Variants in USH2A observed in about 807,000 individuals in gnomAD.
The protein encoded by USH2A is usherin, also known as Usher syndrome 2A (autosomal recessive, mild).
A neutral mutation model predicts 538.9 loss-of-function variants in USH2A; 443 were observed. The observed-to-expected ratio is 0.82, with a 90% CI of 0.76 to 0.89. USH2A has a LOEUF of 0.89. Among genes scored for constraint, USH2A ranks in the 40% least tolerant of loss-of-function variants. The pLI is 0.00. For synonymous variants in USH2A, 2,413 were observed against 2,273.5 expected (o/e 1.06, Z -1.75); for missense variants, 6,633 against 6,324.8 (o/e 1.05, Z -1.65).
chr1:215,780,176 CTTTT>C, intron 54 of USH2A, 135 bp from the exon 55 acceptor site: 1 of 1,007,260 alleles, frequency 9.9e-7, no homozygotes, highest in South Asian at 1.5e-5. Context: ...AAGCATTTCC[CTTTT>C]TTTTCATTTT....
intron 63 of USH2A, among the ~76,000 whole-genome samples, chr1:215,671,906 T>C (rs1657829573): frequency 6.6e-6 from 1 of 152,048 alleles, no homozygotes; most frequent in Non-Finnish European, 1.5e-5. Flanking sequence ...TCAGTGGTAA[T>C]AAATCCCCTC....
chr1:216,042,624 TA>T (rs2030327599), intron 32 of USH2A, among the ~76,000 whole-genome samples: 1 of 152,074 alleles, frequency 6.6e-6, no homozygotes, highest in Non-Finnish European at 1.5e-5. Context: ...GGTGTAGACT[TA>T]AACTGCCCAT....
chr1:215,724,347 A>C (rs1659750413), intron 61 of USH2A, among the ~76,000 whole-genome samples: 1 of 152,014 alleles, frequency 6.6e-6, no homozygotes, highest in Non-Finnish European at 1.5e-5. Context: ...ATCCTCATGA[A>C]GTAACTCAGA....
chr1:215,889,173 C>A, intron 40 of USH2A, 119 bp from the exon 41 acceptor site: 1 of 1,204,584 alleles, frequency 8.3e-7, no homozygotes, highest in Non-Finnish European at 1.2e-6. Flanking sequence ...TGGTAAAGGC[C>A]AATAAGTAAA....
At chr1:216,173,224 G>A (rs1444666783) in intron 21 of USH2A, among the ~76,000 whole-genome samples, 2 of 152,100 alleles carry the variant, frequency 1.3e-5, no homozygotes, top group East Asian at 3.9e-4. Flanking sequence ...CATTTAGTTA[G>A]GCTTCGGTAC....
intron 70 of USH2A, chr1:215,630,335 CATT>C (rs2102626812): frequency 2.2e-6 from 1 of 450,826 alleles, no homozygotes; most frequent in African/African-American, 2.0e-5. Context: ...CCAATGACAG[CATT>C]ATCATACCCA....
chr1:215,700,654 T>G (rs975005644), intron 61 of USH2A, among the ~76,000 whole-genome samples: 2 of 152,216 alleles, frequency 1.3e-5, no homozygotes, highest in African/African-American at 4.8e-5. Flanking sequence ...AGTAGCGATA[T>G]TCCCTTTGTC....
At chr1:216,354,734 A>T (rs115099559) in intron 4 of USH2A, among the ~76,000 whole-genome samples, 8,056 of 152,126 alleles carry the variant, frequency 0.053, 291 homozygotes, top group Middle Eastern at 0.11. Context: ...AACAAACAAA[A>T]CTGTACCCAA....
At chr1:215,971,248 A>T (rs1667488253) in intron 35 of USH2A, among the ~76,000 whole-genome samples, 1 of 152,158 alleles carries the variant, frequency 6.6e-6, no homozygotes, top group Non-Finnish European at 1.5e-5. Flanking sequence ...CCCTCTCTTC[A>T]TAGCATTCCT....
At chr1:216,401,703 G>A (rs575127000) in intron 3 of USH2A, among the ~76,000 whole-genome samples, 2 of 152,156 alleles carry the variant, frequency 1.3e-5, no homozygotes, top group East Asian at 3.9e-4. Flanking sequence ...TAGAGGTTAA[G>A]AGGGACATTA....
At chr1:215,784,349 A>G (rs1169641790) in intron 52 of USH2A, among the ~76,000 whole-genome samples, 1 of 152,100 alleles carries the variant, frequency 6.6e-6, no homozygotes, top group African/African-American at 2.4e-5. Flanking sequence ...CCATCTACCT[A>G]CCCTCAGATG....
At chr1:215,807,095 T>G (rs1167578470) in intron 49 of USH2A, among the ~76,000 whole-genome samples, 1 of 152,052 alleles carries the variant, frequency 6.6e-6, no homozygotes, top group Non-Finnish European at 1.5e-5. Context: ...TGATTAAGTT[T>G]AATAATATGA....
chr1:216,352,015 A>T (rs138554508), intron 4 of USH2A, among the ~76,000 whole-genome samples: 2,335 of 152,244 alleles, frequency 0.015, 27 homozygotes, highest in Middle Eastern at 0.061. Flanking sequence ...ATTTTGAAAA[A>T]AAGTAAGTTT....
chr1:216,181,302 T>C (rs1483543571), intron 20 of USH2A, among the ~76,000 whole-genome samples: 1 of 152,090 alleles, frequency 6.6e-6, no homozygotes. Context: ...AATTCTTTGG[T>C]TGAATAATTT....
intron 46 of USH2A, among the ~76,000 whole-genome samples, chr1:215,843,721 C>T (rs1663758435): frequency 6.6e-6 from 1 of 152,134 alleles, no homozygotes; most frequent in East Asian, 1.9e-4. Flanking sequence ...ATTTCTTTCA[C>T]CTTCAGATAA....
intron 66 of USH2A, 30 bp from the exon 67 acceptor site, chr1:215,647,760 G>A: frequency 1.2e-6 from 2 of 1,610,210 alleles, no homozygotes; most frequent in Middle Eastern, 1.7e-4. Context: ...GTAGAGTCAA[G>A]ACGGGTAATG....
chr1:215,722,036 G>C (rs1373463786), intron 61 of USH2A, among the ~76,000 whole-genome samples: 1 of 148,512 alleles, frequency 6.7e-6, no homozygotes, highest in Non-Finnish European at 1.5e-5. Flanking sequence ...CTGCACTGCA[G>C]CCTGTGTGAC....
intron 21 of USH2A, among the ~76,000 whole-genome samples, chr1:216,134,278 T>C (rs1161011423): frequency 6.6e-6 from 1 of 152,120 alleles, no homozygotes; most frequent in East Asian, 1.9e-4. Context: ...GGAAATTACA[T>C]GTACAATTTG....
intron 2 of USH2A, among the ~76,000 whole-genome samples, chr1:216,420,574 TC>T (rs1181653995): frequency 2.6e-5 from 4 of 152,140 alleles, no homozygotes; most frequent in Non-Finnish European, 5.9e-5. Context: ...TGTAAATACT[TC>T]TCTGTCTTAT....
Sources: gnomAD v4.1 joint callset for allele counts (sites outside exome capture counted in the v4.1 genomes callset) on GRCh38, gnomAD v4.1.1 for gene constraint, MANE v1.5 for transcripts, NCBI Gene and HGNC (gene_info 2026-07-23, HGNC 2026-07-21) for gene names.